VEGFC: variants seen among roughly 807,000 people sequenced by gnomAD.
VEGFC encodes FLT4 ligand DHM.
In VEGFC, 12 loss-of-function variants were observed where a neutral mutation model predicts 46.1. The ratio of observed to expected loss-of-function variants is 0.26; its 90% confidence interval spans 0.17 to 0.42. VEGFC has a LOEUF of 0.42. Ranked by LOEUF, VEGFC falls within the 10% of genes least tolerant of loss-of-function variation. VEGFC has a pLI of 1.00. For synonymous variants in VEGFC, 232 were observed against 195.5 expected (o/e 1.19, Z -1.56); for missense variants, 488 against 529.4 (o/e 0.92, Z 0.77).
chr4:176,748,004 A>T (rs1346494257), intron 1 of VEGFC, among the ~76,000 whole-genome samples: 1 of 151,962 alleles, frequency 6.6e-6, no homozygotes, highest in Admixed American at 6.6e-5. Context: ...ACAAATTTTT[A>T]GAACAATTCC....
intron 1 of VEGFC, among the ~76,000 whole-genome samples, chr4:176,748,689 G>C (rs966186732): frequency 6.6e-6 from 1 of 151,920 alleles, no homozygotes; most frequent in African/African-American, 2.4e-5. Context: ...ATAGTAATCA[G>C]AAATGCTCTG....
intron 1 of VEGFC, among the ~76,000 whole-genome samples, chr4:176,765,045 A>G (rs1735595365): frequency 1.3e-5 from 2 of 152,182 alleles, no homozygotes; most frequent in African/African-American, 4.8e-5. Context: ...CTGCCTCAAA[A>G]AAAAGAAATA....
chr4:176,723,814 A>G (rs1734830296), intron 3 of VEGFC, among the ~76,000 whole-genome samples: 1 of 120,406 alleles, frequency 8.3e-6, no homozygotes, highest in African/African-American at 3.7e-5. Context: ...GGTTTGTGAC[A>G]TAAACTTTTA....
intron 1 of VEGFC, among the ~76,000 whole-genome samples, chr4:176,748,919 G>T (rs1465510170): frequency 6.6e-6 from 1 of 151,866 alleles, no homozygotes; most frequent in Admixed American, 6.6e-5. Context: ...ACAAAAGACT[G>T]TTGGAATAAA....
In VEGFC at chr4:176,714,271, C is replaced by T. The variant is rs577341463; in HGVS notation, c.553-2621G>A. Among the ~76,000 whole-genome samples the T allele has an allele frequency of 4.9e-4, 75 of 152,220 alleles. 1 individual carries two copies. The highest frequency in any genetic ancestry group is 3.4e-3 in the Middle Eastern group (1 of 294). On this transcript the variant is annotated intron_variant, in intron 3 of 6. Coordinates refer to ENST00000618562, the MANE Select transcript of VEGFC (RefSeq NM_005429.5). Reference sequence around the variant, plus strand: ...ATTTTCCTGTTAGTTCATGCTAGAGCTGGTTGTTTAAAGGAGTCTGAGACC... The same window carrying T: ...ATTTTCCTGTTAGTTCATGCTAGAGTTGGTTGTTTAAAGGAGTCTGAGACC...
At chr4:176,751,467 T>C (rs1440487937) in intron 1 of VEGFC, among the ~76,000 whole-genome samples, 2 of 151,992 alleles carry the variant, frequency 1.3e-5, no homozygotes, top group Non-Finnish European at 2.9e-5. Context: ...CACCATTCTT[T>C]TTATAAGGAA....
chr4:176,751,977 A>T (rs1311867316), intron 1 of VEGFC, among the ~76,000 whole-genome samples: 2 of 152,016 alleles, frequency 1.3e-5, no homozygotes, highest in African/African-American at 4.8e-5. Context: ...AAAGAAAAAA[A>T]AAATAAATGG....
chr4:176,701,976 A>C (rs937174458), intron 4 of VEGFC, among the ~76,000 whole-genome samples: 1 of 152,190 alleles, frequency 6.6e-6, no homozygotes, highest in East Asian at 1.9e-4. Context: ...AATAATGTAT[A>C]ACCTTCAAAT....
chr4:176,759,475 G>A (rs1399205741), intron 1 of VEGFC, among the ~76,000 whole-genome samples: 1 of 152,092 alleles, frequency 6.6e-6, no homozygotes, highest in Admixed American at 6.6e-5. Context: ...GACTGGTGGG[G>A]TGGTCAACGG....
At chr4:176,739,751 A>G (rs1256873244) in intron 1 of VEGFC, among the ~76,000 whole-genome samples, 3 of 151,712 alleles carry the variant, frequency 2.0e-5, no homozygotes. Flanking sequence ...CCTGAACTTA[A>G]AAGTTGAAGA....
intron 1 of VEGFC, among the ~76,000 whole-genome samples, chr4:176,784,854 A>G (rs568820599): frequency 5.3e-5 from 8 of 152,182 alleles, no homozygotes; most frequent in Middle Eastern, 3.4e-3. Context: ...GCATCTACTC[A>G]TTGTGCTACA....
intron 1 of VEGFC, among the ~76,000 whole-genome samples, chr4:176,767,933 C>T (rs541602066): frequency 1.3e-5 from 2 of 152,208 alleles, no homozygotes; most frequent in African/African-American, 4.8e-5. Flanking sequence ...AGTGGTTAGA[C>T]TCTGGTTATA....
At chr4:176,717,934 A>G (rs1734723494) in intron 3 of VEGFC, among the ~76,000 whole-genome samples, 1 of 152,156 alleles carries the variant, frequency 6.6e-6, no homozygotes, top group Non-Finnish European at 1.5e-5. Flanking sequence ...AGAAAATGGA[A>G]TAACAGATAG....
At position 176,792,372 on chromosome 4, in the gene VEGFC, C is replaced by A; in HGVS notation, c.-61G>T. 2.2e-6 allele frequency: 3 copies of A among 1,335,250 alleles called. No individual in the cohort carries two copies. The highest frequency in any genetic ancestry group is 6.2e-5 in the East Asian group (2 of 32,308). The allele number at this position is 1,335,250 out of a possible 1,614,324, so 82.7% of individuals were successfully genotyped here. ...GCGGGGGCAGGGGTGGGGGCGCGGGCGCCCCTGCGAGGCCGCGGGCCCCTC... is the reference window on the plus strand; with the variant it reads ...GCGGGGGCAGGGGTGGGGGCGCGGGAGCCCCTGCGAGGCCGCGGGCCCCTC... On this transcript the variant is annotated 5_prime_UTR_variant, in exon 1 of 7. Coordinates refer to ENST00000618562, the MANE Select transcript of VEGFC (RefSeq NM_005429.5). This position sits in a 1 kb window ranked among gnomAD's most constrained non-coding sequence, Gnocchi z 6.3.
intron 4 of VEGFC, among the ~76,000 whole-genome samples, chr4:176,692,766 G>A (rs1289172392): frequency 1.1e-4 from 17 of 148,012 alleles, no homozygotes; most frequent in East Asian, 5.8e-4. Flanking sequence ...CTCCCAGCAC[G>A]CAGCTGGAGA....
At chr4:176,781,609 C>A (rs190113857) in intron 1 of VEGFC, among the ~76,000 whole-genome samples, 3,316 of 152,268 alleles carry the variant, frequency 0.022, 52 homozygotes, top group Non-Finnish European at 0.036. Context: ...GGATTCATGG[C>A]AGCTGTGTGG....
intron 1 of VEGFC, among the ~76,000 whole-genome samples, chr4:176,738,641 G>A (rs1311162080): frequency 6.6e-6 from 1 of 152,052 alleles, no homozygotes; most frequent in African/African-American, 2.4e-5. Context: ...CACAGGCATA[G>A]GCAAAGATTT....
chr4:176,773,143 AC>A (rs1314316876), intron 1 of VEGFC, among the ~76,000 whole-genome samples: 2 of 152,200 alleles, frequency 1.3e-5, no homozygotes, highest in Non-Finnish European at 2.9e-5. Context: ...TGTTAAGGCA[AC>A]AACCTCCTCT....
chr4:176,766,998 C>A (rs1257923472), intron 1 of VEGFC, among the ~76,000 whole-genome samples: 5 of 148,702 alleles, frequency 3.4e-5, no homozygotes, highest in African/African-American at 9.9e-5. Flanking sequence ...TTAAAGAAAT[C>A]TGGCCAGTAA....
Sources: allele counts gnomAD v4.1 joint callset (sites outside exome capture counted in the v4.1 genomes callset), GRCh38; gene constraint gnomAD v4.1.1; non-coding constraint Gnocchi (gnomAD v3.1); transcripts MANE v1.5; gene names NCBI Gene and HGNC (gene_info 2026-07-23, HGNC 2026-07-21).